Variants in THADA observed in about 807,000 individuals in gnomAD.
The protein encoded by THADA is tRNA (32-2'-O)-methyltransferase regulator THADA.
In THADA, 213 loss-of-function variants were observed where a neutral mutation model predicts 219.8. The ratio of observed to expected loss-of-function variants is 0.97; its 90% CI spans 0.87 to 1.09. The LOEUF is 1.09. THADA is among the 50% of genes least tolerant of loss of function. The probability of loss-of-function intolerance (pLI) is 0.00; values close to 1 mark genes in which losing one functional copy is unlikely to be tolerated. For synonymous variants in THADA, 1,018 were observed against 828.9 expected, an observed-to-expected ratio of 1.23 and a Z score of -3.92; for missense variants, 2,956 against 2,311.3, an observed-to-expected ratio of 1.28 and a Z score of -5.72.
chr2:43,323,922 G>A (rs1288229101), intron 30 of THADA, among the ~76,000 whole-genome samples: 1 of 152,232 alleles, frequency 6.6e-6, no homozygotes, highest in Non-Finnish European at 1.5e-5. Context: ...GGCAGCTTGG[G>A]AAGATAAGAG....
At chr2:43,291,448 C>G (rs1674692672) in intron 34 of THADA, among the ~76,000 whole-genome samples, 1 of 18,326 alleles carries the variant, frequency 5.5e-5, no homozygotes, top group Non-Finnish European at 1.2e-4. Context: ...GAGCAAAACT[C>G]CATCTCAAAA....
At chr2:43,303,452 G>C (rs1676488777) in intron 31 of THADA, among the ~76,000 whole-genome samples, 1 of 152,048 alleles carries the variant, frequency 6.6e-6, no homozygotes, top group South Asian at 2.1e-4. Context: ...AGCATGTCCT[G>C]TTCTATTATT....
intron 26 of THADA, among the ~76,000 whole-genome samples, chr2:43,467,675 T>C (rs570867163): frequency 4.4e-4 from 67 of 152,290 alleles, no homozygotes; most frequent in African/African-American, 1.5e-3. Context: ...ACTACATCTG[T>C]TTTGAGGCTC....
At chr2:43,481,979 A>G (rs1478146934) in intron 26 of THADA, among the ~76,000 whole-genome samples, 2 of 152,188 alleles carry the variant, frequency 1.3e-5, no homozygotes, top group Non-Finnish European at 2.9e-5. Flanking sequence ...GCTAAGCGCC[A>G]TATTAGTTTA....
chr2:43,578,314 CTT>C (rs34796084), intron 9 of THADA, among the ~76,000 whole-genome samples, 197 bp downstream of exon 9: 9 of 141,638 alleles, frequency 6.4e-5, no homozygotes, highest in Non-Finnish European at 9.3e-5. Context: ...AGCAAATTTT[CTT>C]TTTTTTTTTT....
intron 26 of THADA, among the ~76,000 whole-genome samples, chr2:43,434,868 T>A (rs1002716591): frequency 6.6e-6 from 1 of 152,200 alleles, no homozygotes; most frequent in Non-Finnish European, 1.5e-5. Context: ...TAACACAAGC[T>A]GCCTATGGAC....
chr2:43,280,982 C>CTAGA (rs1488770475), intron 35 of THADA, among the ~76,000 whole-genome samples: 1 of 152,206 alleles, frequency 6.6e-6, no homozygotes, highest in Non-Finnish European at 1.5e-5. Flanking sequence ...AGCATGGCCT[C>CTAGA]CCAGAAAGGG....
At chr2:43,338,154 C>CTTTT (rs35928615) in intron 30 of THADA, among the ~76,000 whole-genome samples, 4 of 126,362 alleles carry the variant, frequency 3.2e-5, no homozygotes, top group African/African-American at 5.9e-5. Context: ...ATCACCAGAA[C>CTTTT]TTTTTTTTTT....
chr2:43,322,090 T>A (rs2163227), intron 30 of THADA, among the ~76,000 whole-genome samples: 1 of 151,572 alleles, frequency 6.6e-6, no homozygotes, highest in African/African-American at 2.4e-5. Context: ...GGCTGGAGTG[T>A]GGTGGTATGA....
chr2:43,377,065 G>T (rs983095889), intron 29 of THADA, among the ~76,000 whole-genome samples: 1 of 152,202 alleles, frequency 6.6e-6, no homozygotes, highest in Non-Finnish European at 1.5e-5. Context: ...TTCTTGGGCA[G>T]AACATAGCCC....
At chr2:43,361,776 T>C (rs898451832) in intron 29 of THADA, among the ~76,000 whole-genome samples, 1 of 152,224 alleles carries the variant, frequency 6.6e-6, no homozygotes, top group Non-Finnish European at 1.5e-5. Flanking sequence ...AAGAAATACA[T>C]TATTTGTTAT....
At chr2:43,514,466 A>AATATATAAT (rs1208924575) in intron 22 of THADA, among the ~76,000 whole-genome samples, 1 of 123,468 alleles carries the variant, frequency 8.1e-6, no homozygotes. Context: ...ATATATATAT[A>AATATATAAT]ATATATAATA....
At chr2:43,315,356 T>G (rs1677955641) in intron 31 of THADA, among the ~76,000 whole-genome samples, 1 of 152,250 alleles carries the variant, frequency 6.6e-6, no homozygotes, top group Non-Finnish European at 1.5e-5. Context: ...CATTCTAGTC[T>G]GTTCCTCCAT....
At chr2:43,245,435 C>T (rs1443280973) in intron 36 of THADA, among the ~76,000 whole-genome samples, 2 of 152,080 alleles carry the variant, frequency 1.3e-5, no homozygotes, top group Admixed American at 6.5e-5. Context: ...GGCCTCCCAA[C>T]GTGCTGGGAT....
At chr2:43,352,219 G>T (rs1421966598) in intron 29 of THADA, among the ~76,000 whole-genome samples, 1 of 152,172 alleles carries the variant, frequency 6.6e-6, no homozygotes, top group Non-Finnish European at 1.5e-5. Flanking sequence ...CTGAAAGAGA[G>T]AGTATCAAGA....
intron 28 of THADA, among the ~76,000 whole-genome samples, chr2:43,423,165 T>C (rs1174009437): frequency 1.5e-5 from 2 of 135,996 alleles, no homozygotes; most frequent in South Asian, 2.4e-4. Context: ...TTTGTGTTTG[T>C]CAGTCCTATG....
chr2:43,494,583 T>C (rs527274111), intron 25 of THADA, among the ~76,000 whole-genome samples: 9 of 152,328 alleles, frequency 5.9e-5, no homozygotes, highest in Admixed American at 5.9e-4. Context: ...GTTTTCTTCA[T>C]CTGTAAAATG....
chr2:43,502,204 G>C (rs1378497618), intron 24 of THADA, among the ~76,000 whole-genome samples: 1 of 152,146 alleles, frequency 6.6e-6, no homozygotes, highest in Non-Finnish European at 1.5e-5. Flanking sequence ...GACAGAGCAA[G>C]ATCCTATCAG....
chr2:43,460,238 TAAAAAAAA>T (rs10560565), intron 26 of THADA, among the ~76,000 whole-genome samples: 32 of 63,544 alleles, frequency 5.0e-4, no homozygotes, highest in African/African-American at 1.8e-3. Context: ...TTTCTCTTAA[TAAAAAAAA>T]AAAAAAAAAA....
Sources: allele counts gnomAD v4.1 joint callset (sites outside exome capture counted in the v4.1 genomes callset), GRCh38; gene constraint gnomAD v4.1.1; transcripts MANE v1.5; gene names NCBI Gene and HGNC (gene_info 2026-07-23, HGNC 2026-07-21).